FSAF1: variants seen among roughly 807,000 people sequenced by gnomAD.
The protein encoded by FSAF1 is uncharacterized protein C1orf131.
the FSAF1 span, chr1:231,237,128 C>T: frequency 6.6e-6 from 1 of 152,038 alleles, no homozygotes; most frequent in Non-Finnish European, 1.5e-5. Context: ...CCAAAGTGCT[C>T]GGATTACTGG....
At chr1:231,224,931 T>C in the FSAF1 span, 206 of 166,394 alleles carry the variant, frequency 1.2e-3, 3 homozygotes, top group African/African-American at 4.8e-3. Context: ...ATTCAACAGA[T>C]ACAGATCGGT....
At chr1:231,225,401 C>T in the FSAF1 span, 10 of 1,431,762 alleles carry the variant, frequency 7.0e-6, no homozygotes, top group South Asian at 6.9e-5. Context: ...ACATTCAAGG[C>T]GTCCTTGTCA....
chr1:231,240,791 T>G, the FSAF1 span, among the ~76,000 whole-genome samples: 2 of 151,766 alleles, frequency 1.3e-5, no homozygotes, highest in East Asian at 3.9e-4. The surrounding 1 kb of genome is among the most constrained non-coding windows in gnomAD (Gnocchi z 4.1). Flanking sequence ...AGTAGGATGG[T>G]CCCCACACTT....
the FSAF1 span, among the ~76,000 whole-genome samples, chr1:231,226,234 C>G: frequency 6.6e-6 from 1 of 152,108 alleles, no homozygotes; most frequent in East Asian, 1.9e-4. Context: ...CCCTCTGTTA[C>G]TTCCCACTTC....
At chr1:231,234,989 G>C in the FSAF1 span, among the ~76,000 whole-genome samples, 4 of 152,214 alleles carry the variant, frequency 2.6e-5, no homozygotes, top group Non-Finnish European at 4.4e-5. This position sits in a 1 kb window ranked among gnomAD's most constrained non-coding sequence, Gnocchi z 4.0. Flanking sequence ...GGTACTCCAG[G>C]ACCCTATTTG....
the FSAF1 span, among the ~76,000 whole-genome samples, chr1:231,227,312 G>A: frequency 6.6e-6 from 1 of 152,056 alleles, no homozygotes; most frequent in African/African-American, 2.4e-5. Flanking sequence ...TACCCGCCAG[G>A]ATGGAGTACA....
the FSAF1 span, among the ~76,000 whole-genome samples, chr1:231,227,854 G>C: frequency 6.6e-6 from 1 of 152,144 alleles, no homozygotes; most frequent in Non-Finnish European, 1.5e-5. Context: ...CTCCCAAAGT[G>C]CTGGGATTAC....
the FSAF1 span, among the ~76,000 whole-genome samples, chr1:231,230,025 T>TA: frequency 6.6e-6 from 1 of 152,128 alleles, no homozygotes; most frequent in Non-Finnish European, 1.5e-5. Flanking sequence ...TTACCACAAT[T>TA]AAAAAAATGG....
the FSAF1 span, chr1:231,224,441 TATAA>T: frequency 7.6e-6 from 12 of 1,586,000 alleles, no homozygotes; most frequent in Middle Eastern, 1.7e-4. Context: ...AGAAAGGTAC[TATAA>T]ATAGTCAAGC....
the FSAF1 span, chr1:231,224,238 G>T: frequency 1.3e-6 from 2 of 1,585,008 alleles, no homozygotes; most frequent in South Asian, 1.2e-5. Context: ...CGCTGCAGTT[G>T]ACTCAGTTGT....
At chr1:231,230,684 C>T in the FSAF1 span, among the ~76,000 whole-genome samples, 6 of 152,206 alleles carry the variant, frequency 3.9e-5, no homozygotes, top group African/African-American at 1.4e-4. Context: ...CCTCATCCCC[C>T]ACCCCAGCCC....
the FSAF1 span, among the ~76,000 whole-genome samples, chr1:231,240,536 A>T: frequency 2.1e-5 from 3 of 142,284 alleles, no homozygotes; most frequent in African/African-American, 7.6e-5. The surrounding 1 kb of genome is among the most constrained non-coding windows in gnomAD (Gnocchi z 4.1). Context: ...GCACTTGTTT[A>T]AAAAAAAAAA....
chr1:231,239,338 A>T, the FSAF1 span: 2 of 693,036 alleles, frequency 2.9e-6, no homozygotes, highest in Non-Finnish European at 4.4e-6. Context: ...TCTTTCAAAT[A>T]AGTGTATTTG....
At chr1:231,238,835 T>C in the FSAF1 span, 2 of 1,591,278 alleles carry the variant, frequency 1.3e-6, no homozygotes, top group Admixed American at 1.7e-5. Context: ...ACCACGTATA[T>C]ATAAGCTAAC....
the FSAF1 span, chr1:231,237,997 A>G: frequency 6.6e-6 from 1 of 152,258 alleles, no homozygotes; most frequent in Admixed American, 6.5e-5. Context: ...CCTGGCTAAC[A>G]TGGTGAAACC....
At chr1:231,240,929 G>T in the FSAF1 span, 1 of 1,078,756 alleles carries the variant, frequency 9.3e-7, no homozygotes, top group Non-Finnish European at 1.4e-6. This position sits in a 1 kb window ranked among gnomAD's most constrained non-coding sequence, Gnocchi z 4.1. Flanking sequence ...AGAACCTTTA[G>T]CCTCAAAGCA....
At chr1:231,231,228 A>C in the FSAF1 span, among the ~76,000 whole-genome samples, 8 of 152,314 alleles carry the variant, frequency 5.3e-5, no homozygotes, top group Admixed American at 3.9e-4. Context: ...CATTTTATCC[A>C]CACCAGAAAG....
the FSAF1 span, among the ~76,000 whole-genome samples, chr1:231,236,161 G>A: frequency 1.3e-5 from 2 of 152,190 alleles, no homozygotes; most frequent in Non-Finnish European, 2.9e-5. Flanking sequence ...ACTCAGCACA[G>A]CTGGTGTATT....
At chr1:231,232,728 A>G in the FSAF1 span, among the ~76,000 whole-genome samples, 1 of 152,202 alleles carries the variant, frequency 6.6e-6, no homozygotes, top group Non-Finnish European at 1.5e-5. Flanking sequence ...AAAAGAAAGA[A>G]CAGTTTGGAA....
Sources: allele counts gnomAD v4.1 joint callset (sites outside exome capture counted in the v4.1 genomes callset), GRCh38; gene constraint gnomAD v4.1.1; non-coding constraint Gnocchi (gnomAD v3.1); transcripts MANE v1.5; gene names NCBI Gene and HGNC (gene_info 2026-07-23, HGNC 2026-07-21).